The following RGS20 variants were observed in gnomAD, a reference collection of about 807,000 sequenced individuals.
The protein encoded by RGS20 is gz-selective GTPase-activating protein.
In RGS20, 30 loss-of-function variants were observed where a neutral mutation model predicts 33.6. The observed-to-expected ratio is 0.89, with a 90% confidence interval of 0.67 to 1.21. The LOEUF is 1.21. Ranked by LOEUF, RGS20 falls within the 50% of genes most tolerant of loss-of-function variation. The pLI is 0.00. For synonymous variants in RGS20, 208 were observed against 197.9 expected (o/e 1.05, Z -0.43); for missense variants, 472 against 502.4 (o/e 0.94, Z 0.58).
chr8:53,942,273 CA>C (rs1419213794), intron 3 of RGS20, among the ~76,000 whole-genome samples: 1 of 151,384 alleles, frequency 6.6e-6, no homozygotes, highest in Non-Finnish European at 1.5e-5. Context: ...AACTCCATCT[CA>C]AAAAAATAAA....
rs577122138 is a variant in RGS20 at position 53,907,889 on chromosome 8, T to C, written c.510+28287T>C. Among the ~76,000 whole-genome samples, 39 of 152,318 alleles carry C rather than the reference T, an allele frequency of 2.6e-4. 1 individual carries two copies. In the South Asian group the frequency reaches 4.6e-3, roughly 18 times the overall value. On this transcript the variant is annotated intron_variant, in intron 2 of 5. Transcript: ENST00000297313. ...GTTTGGGATTCCTGCCTTTGTGTCA[T>C]TGTGCAGCCATCAGAGGTAGGAGGT...
At chr8:53,881,680 G>T (rs1463446162) in intron 2 of RGS20, among the ~76,000 whole-genome samples, 2 of 152,188 alleles carry the variant, frequency 1.3e-5, no homozygotes, top group Non-Finnish European at 2.9e-5. Context: ...GACCGACTAG[G>T]TATGGGCGTT....
chr8:53,889,092 A>G (rs1812628051), intron 2 of RGS20, among the ~76,000 whole-genome samples: 1 of 152,192 alleles, frequency 6.6e-6, no homozygotes, highest in South Asian at 2.1e-4. Flanking sequence ...TAATAAGTCC[A>G]GTGTATGTTT....
intron 1 of RGS20, among the ~76,000 whole-genome samples, chr8:53,872,337 G>A (rs1455482613): frequency 1.3e-5 from 2 of 152,080 alleles, no homozygotes; most frequent in African/African-American, 4.8e-5. Flanking sequence ...TGTCTCTCTT[G>A]CTGAAAAACC....
At chr8:53,905,767 A>G (rs1368698118) in intron 2 of RGS20, among the ~76,000 whole-genome samples, 2 of 152,148 alleles carry the variant, frequency 1.3e-5, no homozygotes, top group African/African-American at 4.8e-5. Flanking sequence ...TGTTTTTCTA[A>G]CTTCATTGTG....
At chr8:53,920,603 T>C (rs1324650017) in intron 2 of RGS20, among the ~76,000 whole-genome samples, 1 of 152,204 alleles carries the variant, frequency 6.6e-6, no homozygotes, top group African/African-American at 2.4e-5. Context: ...TTTTTTTTCT[T>C]ATTTCTGATC....
intron 1 of RGS20, among the ~76,000 whole-genome samples, chr8:53,872,460 A>G (rs1199129280): frequency 2.0e-5 from 3 of 152,162 alleles, no homozygotes; most frequent in African/African-American, 2.4e-5. Flanking sequence ...CCACACCATG[A>G]GAGCAGGTCA....
At chr8:53,946,964 TTTGCTAA>T (rs1412479587) in intron 4 of RGS20, among the ~76,000 whole-genome samples, 5 of 151,492 alleles carry the variant, frequency 3.3e-5, no homozygotes, top group Non-Finnish European at 5.9e-5. Context: ...GTCTAATCCC[TTTGCTAA>T]TTGCAAATAC....
At position 53,939,595 on chromosome 8, in the gene RGS20, T is replaced by TGGAGATGCGGAAGCG; in HGVS notation, c.532_546dup (p.Glu178_Arg182dup). 1 of 1,602,406 alleles carries TGGAGATGCGGAAGCG rather than the reference T, an allele frequency of 6.2e-7. No individual in the cohort carries two copies. The highest frequency in any genetic ancestry group is 8.5e-7 in the Non-Finnish European group (1 of 1,174,978). On this transcript the variant is annotated inframe_insertion, in exon 3 of 6. Transcript: ENST00000297313. ...TTGCAGCAGATGGGATCAGAGCGGA[T>TGGAGATGCGGAAGCG]GGAGATGCGGAAGCGGCAGATGCCC... is the stretch of plus-strand genomic sequence containing the variant.
chr8:53,867,256 G>A (rs1811941058), intron 1 of RGS20, among the ~76,000 whole-genome samples: 1 of 152,038 alleles, frequency 6.6e-6, no homozygotes, highest in African/African-American at 2.4e-5. Flanking sequence ...TCAAAAAAGA[G>A]AAGTTGTTTT....
intron 2 of RGS20, among the ~76,000 whole-genome samples, chr8:53,884,528 G>A (rs1024948041): frequency 1.3e-5 from 2 of 152,128 alleles, no homozygotes; most frequent in African/African-American, 4.8e-5. Context: ...AATACAGAAT[G>A]ATGAAAATCA....
chr8:53,917,587 T>C (rs188973927), intron 2 of RGS20, among the ~76,000 whole-genome samples: 180 of 152,360 alleles, frequency 1.2e-3, no homozygotes, highest in Admixed American at 3.3e-3. Flanking sequence ...AGATAAAATT[T>C]ACACACCATA....
At chr8:53,899,473 A>C (rs1325788530) in intron 2 of RGS20, among the ~76,000 whole-genome samples, 1 of 152,178 alleles carries the variant, frequency 6.6e-6, no homozygotes, top group African/African-American at 2.4e-5. Context: ...GTTTTATGAC[A>C]TCCATTCATA....
chr8:53,864,953 T>C (rs1237242629), intron 1 of RGS20, among the ~76,000 whole-genome samples: 1 of 152,168 alleles, frequency 6.6e-6, no homozygotes, highest in East Asian at 1.9e-4. Context: ...AGCAGTCTAA[T>C]TCAGTCGCGT....
chr8:53,958,912 G>T lies in RGS20; in HGVS notation c.*454G>T, dbSNP rs1024303865. 2 of 152,334 alleles carry T rather than the reference G, an allele frequency of 1.3e-5. No individual in the cohort carries two copies. Among genetic ancestry groups the T allele is most frequent in the African/African-American group, 4.8e-5 (2 of 41,448 alleles). 9.4% of individuals were successfully genotyped at this position (152,334 alleles called of 1,614,324 possible). ...CTCGGTTTGAATACGTCACTTACCA[G>T]TGCCATTGCAGGACCCAAATTCACA... On this transcript the variant is annotated 3_prime_UTR_variant, in exon 6 of 6. Transcript: ENST00000297313.
intron 3 of RGS20, chr8:53,946,463 A>G: frequency 1.6e-6 from 1 of 624,958 alleles, no homozygotes; most frequent in Non-Finnish European, 2.9e-6. Flanking sequence ...AGTAGAAACC[A>G]CAACGTTTAT....
chr8:53,948,236 CTA>C lies in RGS20; in HGVS notation c.743+1496_743+1497del, dbSNP rs568985225. Among the ~76,000 whole-genome samples, 1,098 of 134,916 alleles carry C rather than the reference CTA, an allele frequency of 8.1e-3. 5 individuals are homozygous for C. Among genetic ancestry groups the C allele is most frequent in the Middle Eastern group, 0.023 (2 of 88 alleles). The allele number at this position is 134,916 out of a possible 152,430, so 88.5% of individuals were successfully genotyped here. On this transcript the variant is annotated intron_variant, in intron 4 of 5. Coordinates refer to ENST00000297313, the MANE Select transcript of RGS20 (RefSeq NM_170587.4). Reference sequence around the variant, plus strand: ...AAGATAGTATATATATTTATATATGCTATATATATGATAGTATATATACTATA... The same window carrying C: ...AAGATAGTATATATATTTATATATGCTATATATGATAGTATATATACTATA...
At chr8:53,870,262 T>TACAC (rs112678663) in intron 1 of RGS20, among the ~76,000 whole-genome samples, 156 of 150,068 alleles carry the variant, frequency 1.0e-3, no homozygotes, top group African/African-American at 3.5e-3. Flanking sequence ...GATATGTGTG[T>TACAC]ACACACACAC....
At chr8:53,889,413 T>TC (rs1491573908) in intron 2 of RGS20, among the ~76,000 whole-genome samples, 84 of 25,616 alleles carry the variant, frequency 3.3e-3, no homozygotes, top group African/African-American at 0.025. Context: ...TCTCTCTCTC[T>TC]TTTTTTTTTT....
Sources: allele counts gnomAD v4.1 joint callset (sites outside exome capture counted in the v4.1 genomes callset), GRCh38; gene constraint gnomAD v4.1.1; transcripts MANE v1.5; gene names NCBI Gene and HGNC (gene_info 2026-07-23, HGNC 2026-07-21).